PTGER3: variants seen among roughly 807,000 people sequenced by gnomAD.
PTGER3 encodes the protein prostaglandin E receptor 3.
In PTGER3, 22 loss-of-function variants were observed where a neutral mutation model predicts 34.7. The ratio of observed to expected loss-of-function variants is 0.63; its 90% CI spans 0.45 to 0.91. The LOEUF (loss-of-function observed/expected upper bound fraction) is 0.91, where lower values mean the gene tolerates loss of function less well. PTGER3 is among the 40% of genes least tolerant of loss of function. The pLI, the probability that PTGER3 is intolerant of heterozygous loss-of-function variation, is 0.00. For synonymous variants in PTGER3, 241 were observed against 230.1 expected (o/e 1.05, Z -0.43); for missense variants, 468 against 519.4 (o/e 0.90, Z 0.96).
rs35602123 is a variant in PTGER3, at chr1:70,852,599, A to G, written c.*284T>C. 2.5e-5 allele frequency: 14 copies of G among 564,712 alleles called. No homozygotes were observed. In the East Asian group the frequency reaches 3.9e-4, roughly 16 times the overall value. 35.0% of individuals were successfully genotyped at this position (564,712 alleles called of 1,614,324 possible). On this transcript the variant is annotated 3_prime_UTR_variant, in exon 5 of 5. Coordinates refer to the PTGER3 transcript ENST00000370931. Reference sequence around the variant, plus strand: ...CATATGATAATGTATACGCAAATATAAATTCACAAAACAATAGGACATAAG... The same window carrying G: ...CATATGATAATGTATACGCAAATATGAATTCACAAAACAATAGGACATAAG...
chr1:70,868,014 G>A lies in PTGER3; in HGVS notation c.*24-15155C>T, dbSNP rs531763091. 2.6e-5 allele frequency among the ~76,000 whole-genome samples: 4 copies of A among 152,166 alleles called. No homozygotes were observed. In the East Asian group the frequency reaches 7.8e-4, roughly 29 times the overall value. Reference sequence around the variant, plus strand: ...TAGGCCCTCCAGATTAATTTTATTTGCTGTTTTGGCCTATAAGATAAAAGT... The same window carrying A: ...TAGGCCCTCCAGATTAATTTTATTTACTGTTTTGGCCTATAAGATAAAAGT... On this transcript the variant is annotated intron_variant, in intron 4 of 4. Transcript: ENST00000370931.
Position 71,046,724 on chromosome 1 carries a change from A to G in PTGER3, c.854T>C (p.Met285Thr), listed in dbSNP as rs1660857584. The G allele has an allele frequency of 6.2e-7, 1 of 1,608,798 alleles. No individual in the cohort carries two copies. ...GACCGACAGCACGCACATGATCCCC[A>G]TAAGCTGAATGGCCGTCTCGGTCGT... ...RITTETAIQL[M>T]GIMCVLSVCW... Residue 285 changes from methionine to threonine, a missense_variant, in exon 1 of 4, where the codon ATG (methionine) becomes ACG (threonine). Transcript: ENST00000306666.
At chr1:70,966,762 CTGCAAAGG>C (rs1253155591), downstream of PTGER3, among the ~76,000 whole-genome samples, 1 of 152,168 alleles carries the variant, frequency 6.6e-6, no homozygotes, top group Admixed American at 6.5e-5. Flanking sequence ...ATTCATGTCC[CTGCAAAGG>C]ACATGATCTC....
chr1:70,914,404 A>G (rs1391126361), intron 4 of PTGER3, among the ~76,000 whole-genome samples: 1 of 151,880 alleles, frequency 6.6e-6, no homozygotes, highest in African/African-American at 2.4e-5. Context: ...ATTTTCTTAT[A>G]ATTATCAACC....
intron 1 of PTGER3, among the ~76,000 whole-genome samples, chr1:71,024,703 C>T (rs1329804104): frequency 1.4e-5 from 2 of 145,088 alleles, no homozygotes; most frequent in Non-Finnish European, 3.0e-5. Context: ...TACAGGTGCC[C>T]GCCACCGTGC....
intron 2 of PTGER3, among the ~76,000 whole-genome samples, chr1:71,001,770 C>T (rs546693435): frequency 1.3e-5 from 2 of 152,166 alleles, no homozygotes; most frequent in Non-Finnish European, 2.9e-5. Flanking sequence ...TTCCCAAGTT[C>T]ACACATCCTG....
downstream of PTGER3, among the ~76,000 whole-genome samples, chr1:70,947,730 G>A (rs1278370133): frequency 2.0e-5 from 3 of 152,140 alleles, no homozygotes; most frequent in Non-Finnish European, 4.4e-5. Flanking sequence ...AGACATTAAT[G>A]CTGTTGGGGT....
chr1:70,870,070 G>C (rs74086974), intron 4 of PTGER3, among the ~76,000 whole-genome samples: 16,993 of 152,150 alleles, frequency 0.11, 2,016 homozygotes, highest in African/African-American at 0.28. Context: ...GGACATCCAG[G>C]CTTTTCTACA....
intron 2 of PTGER3, among the ~76,000 whole-genome samples, chr1:70,960,219 A>C (rs1181342365): frequency 6.6e-6 from 1 of 152,204 alleles, no homozygotes; most frequent in Non-Finnish European, 1.5e-5. Flanking sequence ...TCTGTTGCTT[A>C]AACCACTCAG....
chr1:70,983,804 A>G (rs1654631325), intron 2 of PTGER3, among the ~76,000 whole-genome samples: 1 of 152,132 alleles, frequency 6.6e-6, no homozygotes. Flanking sequence ...TCCCTGAACT[A>G]TCTTTGTCAC....
chr1:70,926,413 T>A (rs1032502626), intron 4 of PTGER3, among the ~76,000 whole-genome samples: 2 of 152,182 alleles, frequency 1.3e-5, no homozygotes, highest in African/African-American at 4.8e-5. Flanking sequence ...GTAAGTTGGA[T>A]TCCTAAGTAT....
chr1:70,961,886 G>A (rs1282585608), intron 2 of PTGER3, among the ~76,000 whole-genome samples: 1 of 152,186 alleles, frequency 6.6e-6, no homozygotes, highest in Admixed American at 6.5e-5. Flanking sequence ...TGCTGCTTTT[G>A]AGAACATATA....
rs1660863826 is a variant in PTGER3, at chr1:71,046,772, G to C, written c.806C>G (p.Ser269Cys). Reference protein sequence around the residue: ...RCRAKATASQSSAQWGRITTE... With the variant: ...RCRAKATASQCSAQWGRITTE... ...CGTGATGCGGCCCCACTGGGCACTG[G>C]ACTGAGATGCCGTGGCCTTGGCCCG... The change falls in exon 1 of 4, where the codon TCC (serine) becomes TGC (cysteine). Residue 269 changes from serine to cysteine, a missense_variant. Transcript: ENST00000306666. 2 of 1,614,000 alleles carry C rather than the reference G, an allele frequency of 1.2e-6. No individual in the cohort carries two copies. The highest frequency in any genetic ancestry group is 4.5e-5 in the East Asian group (2 of 44,880).
intron 1 of PTGER3, among the ~76,000 whole-genome samples, chr1:71,032,333 C>G (rs954941972): frequency 6.6e-6 from 1 of 152,114 alleles, no homozygotes; most frequent in Non-Finnish European, 1.5e-5. Flanking sequence ...TCATACTAGT[C>G]TTTGAAAATG....
At chr1:70,852,869 A>G (rs1557602999) in intron 4 of PTGER3, 1 of 1,612,864 alleles carries the variant, frequency 6.2e-7, no homozygotes, top group Non-Finnish European at 8.5e-7. Context: ...CCTGGAAAAC[A>G]AACAAATCAA....
intron 4 of PTGER3, among the ~76,000 whole-genome samples, chr1:70,919,111 A>G (rs1458493372): frequency 1.3e-5 from 2 of 152,074 alleles, no homozygotes; most frequent in African/African-American, 4.8e-5. Flanking sequence ...CATGGGCTCT[A>G]TATTTCTTTT....
chr1:71,011,940 T>TA, intron 2 of PTGER3: 10 of 1,241,318 alleles, frequency 8.1e-6, no homozygotes, highest in Non-Finnish European at 1.0e-5. Context: ...AGATCATTTA[T>TA]AAAAAATGTT....
At chr1:70,892,306 G>A (rs1646635125) in intron 4 of PTGER3, among the ~76,000 whole-genome samples, 1 of 152,174 alleles carries the variant, frequency 6.6e-6, no homozygotes, top group South Asian at 2.1e-4. Flanking sequence ...TCCTTCTAAG[G>A]TTTAAACAAG....
chr1:71,046,957 C>A lies in PTGER3; in HGVS notation c.621G>T (p.Trp207Cys). The change falls in exon 1 of 4, where the codon TGG becomes TGT. Residue 207 changes from tryptophan to cysteine, a missense_variant. This residue lies in a region of PTGER3 where 204 missense variants were observed against 230.8 expected (regional missense o/e 0.88). Coordinates refer to ENST00000306666, the MANE Select transcript of PTGER3 (RefSeq NM_198719.2). ...GQYTVQWPGT[W>C]CFISTGRGGN... ...CCCCTCGCCCGGTGCTGATGAAGCA[C>A]CACGTCCCGGGCCACTGGACGGTGT... The A allele has an allele frequency of 6.2e-7, 1 of 1,610,062 alleles. No homozygotes were observed. The highest frequency in any genetic ancestry group is 1.3e-5 in the African/African-American group (1 of 75,062).
Sources: gnomAD v4.1 joint callset for allele counts (sites outside exome capture counted in the v4.1 genomes callset) on GRCh38, gnomAD v4.1.1 for gene constraint, gnomAD v4.1.1 regional missense constraint, MANE v1.5 for transcripts, NCBI Gene and HGNC (gene_info 2026-07-23, HGNC 2026-07-21) for gene names.